Variants in PLCL1 observed in about 807,000 individuals in gnomAD.
PLCL1 encodes phospholipase C like 1 (inactive), also known as inactive phospholipase C-like protein 1.
PLCL1 carries 41 observed loss-of-function variants against 84.4 expected under a neutral mutation model. The observed-to-expected ratio is 0.49, with a 90% confidence interval of 0.38 to 0.63. The LOEUF (loss-of-function observed/expected upper bound fraction) is 0.63. Among genes scored for constraint, PLCL1 ranks in the 30% least tolerant of loss-of-function variants. PLCL1 has a pLI of 0.00. For missense variants in PLCL1, 1,206 were observed against 1,367.8 expected (o/e 0.88, Z 1.87); for synonymous variants, 490 against 488.3 (o/e 1.00, Z -0.05).
chr2:198,119,756 A>T (rs1693827249), intron 5 of PLCL1, among the ~76,000 whole-genome samples: 1 of 151,956 alleles, frequency 6.6e-6, no homozygotes, highest in Non-Finnish European at 1.5e-5. Context: ...AATGTTAATG[A>T]TGTGTCCCTA....
chr2:198,133,571 A>T (rs533488885), intron 5 of PLCL1, among the ~76,000 whole-genome samples: 10 of 152,210 alleles, frequency 6.6e-5, no homozygotes, highest in South Asian at 6.2e-4. Context: ...AAAAAAAAAA[A>T]AAATAAGAAT....
chr2:198,108,314 A>G (rs561930471), intron 5 of PLCL1, among the ~76,000 whole-genome samples: 3 of 152,022 alleles, frequency 2.0e-5, no homozygotes, highest in East Asian at 1.9e-4. Flanking sequence ...TTCCTTATAC[A>G]TGATTTAGAC....
At chr2:197,992,479 G>C (rs1467401762) in intron 1 of PLCL1, among the ~76,000 whole-genome samples, 1 of 151,930 alleles carries the variant, frequency 6.6e-6, no homozygotes, top group Non-Finnish European at 1.5e-5. Context: ...TGCCCAGGCT[G>C]GTCTCAAACT....
At chr2:197,940,705 GTAT>G (rs1695076700) in intron 1 of PLCL1, among the ~76,000 whole-genome samples, 1 of 152,160 alleles carries the variant, frequency 6.6e-6, no homozygotes, top group African/African-American at 2.4e-5. Context: ...TGAGGAAACA[GTAT>G]TATTATTTCA....
intron 1 of PLCL1, among the ~76,000 whole-genome samples, chr2:197,882,009 A>G (rs1559034075): frequency 6.6e-6 from 1 of 152,178 alleles, no homozygotes; most frequent in Admixed American, 6.5e-5. Context: ...ATTAGGAAAC[A>G]AGATGATGGT....
intron 1 of PLCL1, among the ~76,000 whole-genome samples, chr2:197,967,102 G>A (rs559439802): frequency 2.0e-5 from 3 of 152,170 alleles, no homozygotes; most frequent in Non-Finnish European, 4.4e-5. Flanking sequence ...TTGAATGGGT[G>A]CTGACATTGT....
intron 1 of PLCL1, among the ~76,000 whole-genome samples, chr2:197,869,820 G>C (rs995228731): frequency 7.9e-5 from 12 of 152,124 alleles, no homozygotes; most frequent in Admixed American, 5.9e-4. Context: ...ACAGCTCATA[G>C]TAGAAGGTAT....
chr2:198,010,967 T>G (rs1322208802), intron 1 of PLCL1, among the ~76,000 whole-genome samples: 1 of 151,796 alleles, frequency 6.6e-6, no homozygotes. Flanking sequence ...TCAGTGGTAA[T>G]ATCTCTTTTT....
chr2:197,828,096 T>C (rs1690972142), intron 1 of PLCL1, among the ~76,000 whole-genome samples: 1 of 152,140 alleles, frequency 6.6e-6, no homozygotes, highest in Admixed American at 6.6e-5. Context: ...TTTGTTATTA[T>C]AGTTTTTCTT....
At chr2:198,068,336 G>A (rs1692367307) in intron 1 of PLCL1, among the ~76,000 whole-genome samples, 1 of 152,072 alleles carries the variant, frequency 6.6e-6, no homozygotes, top group Non-Finnish European at 1.5e-5. Context: ...ACATTATTTT[G>A]AAACAAATTT....
At chr2:197,978,947 G>A (rs1381963000) in intron 1 of PLCL1, among the ~76,000 whole-genome samples, 5 of 152,170 alleles carry the variant, frequency 3.3e-5, no homozygotes, top group Non-Finnish European at 5.9e-5. Context: ...TCTGGGAATC[G>A]GTTTTTGTTC....
intron 1 of PLCL1, among the ~76,000 whole-genome samples, chr2:198,067,151 G>T (rs1304608600): frequency 5.5e-5 from 8 of 145,326 alleles, no homozygotes; most frequent in African/African-American, 1.8e-4. Flanking sequence ...TTTTAGAGAC[G>T]GAGTTTTGCT....
chr2:198,014,572 T>A (rs891255774), intron 1 of PLCL1, among the ~76,000 whole-genome samples: 4 of 152,094 alleles, frequency 2.6e-5, no homozygotes, highest in Non-Finnish European at 4.4e-5. Flanking sequence ...ATTTTGTTGT[T>A]TATGTTATCT....
chr2:197,928,273 G>A lies in PLCL1; in HGVS notation c.240+122934G>A, dbSNP rs182749666. On this transcript the variant is annotated intron_variant, in intron 1 of 5. Coordinates refer to ENST00000428675, the MANE Select transcript of PLCL1 (RefSeq NM_006226.4). ...TATAATCACTCAACATGACTTAATT[G>A]TCATGGTTAAATCTCCTTGACTCTG... 5.3e-5 allele frequency among the ~76,000 whole-genome samples: 8 copies of A among 152,226 alleles called. No individual in the cohort carries two copies. The East Asian group carries it at 1.3e-3, about 26-fold the overall frequency.
chr2:197,901,795 G>C (rs1422000661), intron 1 of PLCL1, among the ~76,000 whole-genome samples: 1 of 152,156 alleles, frequency 6.6e-6, no homozygotes, highest in Non-Finnish European at 1.5e-5. Context: ...ATTCCAATAA[G>C]TTTACTTCAG....
intron 1 of PLCL1, among the ~76,000 whole-genome samples, chr2:197,942,867 G>T (rs189244518): frequency 6.6e-6 from 1 of 152,216 alleles, no homozygotes; most frequent in African/African-American, 2.4e-5. Context: ...GACTTCTCCT[G>T]ATTTGGAAAT....
chr2:198,097,404 A>G (rs1482985211), intron 3 of PLCL1, among the ~76,000 whole-genome samples: 1 of 152,150 alleles, frequency 6.6e-6, no homozygotes, highest in Non-Finnish European at 1.5e-5. Flanking sequence ...GTCCATGCAT[A>G]CTCAAAGCTG....
intron 1 of PLCL1, among the ~76,000 whole-genome samples, chr2:198,028,552 G>A (rs1234404632): frequency 1.3e-5 from 2 of 152,080 alleles, no homozygotes; most frequent in South Asian, 2.1e-4. Context: ...CTTTTCAGTC[G>A]TTCCTTTTCT....
chr2:197,961,674 T>A (rs1689627197), intron 1 of PLCL1, among the ~76,000 whole-genome samples: 2 of 152,112 alleles, frequency 1.3e-5, no homozygotes, highest in South Asian at 4.1e-4. Context: ...TAAGCTTAGG[T>A]CCTAGGGCCA....
Sources: gnomAD v4.1 joint callset for allele counts (sites outside exome capture counted in the v4.1 genomes callset) on GRCh38, gnomAD v4.1.1 for gene constraint, MANE v1.5 for transcripts, NCBI Gene and HGNC (gene_info 2026-07-23, HGNC 2026-07-21) for gene names.